OR1J2: variants seen among roughly 807,000 people sequenced by gnomAD.
OR1J2 encodes the protein olfactory receptor 1J2.
For synonymous variants in OR1J2, 142 were observed against 99.7 expected (o/e 1.42, Z -2.52); for missense variants, 304 against 246.1 (o/e 1.24, Z -1.57).
chr9:122,475,823 A>G, the OR1J2 span: 1 of 152,196 alleles, frequency 6.6e-6, no homozygotes, highest in South Asian at 2.1e-4. Context: ...CAGGTAAAGA[A>G]ACGCCTTCTT....
At chr9:122,538,195 C>T in the OR1J2 span, among the ~76,000 whole-genome samples, 2 of 151,490 alleles carry the variant, frequency 1.3e-5, no homozygotes, top group Non-Finnish European at 2.9e-5. Flanking sequence ...TTATCTGTGC[C>T]TGCAGGCTGT....
chr9:122,567,799 G>T, the OR1J2 span: 1 of 1,614,044 alleles, frequency 6.2e-7, no homozygotes, highest in Non-Finnish European at 8.5e-7. Context: ...GGAATCTTGA[G>T]AACTGTAGTG....
chr9:122,478,104 A>T, the OR1J2 span, among the ~76,000 whole-genome samples: 2 of 152,240 alleles, frequency 1.3e-5, no homozygotes, highest in Non-Finnish European at 1.5e-5. Context: ...AAAGAAATGA[A>T]GGTTTAGTCG....
chr9:122,571,577 G>A, the OR1J2 span, among the ~76,000 whole-genome samples: 2 of 150,930 alleles, frequency 1.3e-5, no homozygotes, highest in African/African-American at 2.4e-5. Context: ...TTAGCTGAGT[G>A]TGGTGGGGCG....
At chr9:122,479,446 T>C in the OR1J2 span, among the ~76,000 whole-genome samples, 1 of 152,360 alleles carries the variant, frequency 6.6e-6, no homozygotes, top group African/African-American at 2.4e-5. Flanking sequence ...GATGCTGTAT[T>C]AGAAATTCCT....
At chr9:122,577,488 G>A in the OR1J2 span, among the ~76,000 whole-genome samples, 10 of 152,232 alleles carry the variant, frequency 6.6e-5, no homozygotes, top group Admixed American at 1.3e-4. Context: ...AAAGTGCAAT[G>A]AACATGAACA....
chr9:122,575,811 A>G, the OR1J2 span, among the ~76,000 whole-genome samples: 7,407 of 152,276 alleles, frequency 0.049, 262 homozygotes, highest in Middle Eastern at 0.075. Context: ...CAATATTATT[A>G]ACTGGTTCTC....
chr9:122,484,187 A>G, the OR1J2 span, among the ~76,000 whole-genome samples: 1 of 151,934 alleles, frequency 6.6e-6, no homozygotes, highest in African/African-American at 2.4e-5. Flanking sequence ...TTTTGAGACA[A>G]AGTCTCGCTC....
the OR1J2 span, among the ~76,000 whole-genome samples, chr9:122,461,025 G>A: frequency 6.6e-6 from 1 of 151,742 alleles, no homozygotes; most frequent in African/African-American, 2.4e-5. Flanking sequence ...GGGTCTTTAG[G>A]GTTTTCTAGG....
downstream of OR1J2, among the ~76,000 whole-genome samples, chr9:122,515,543 C>T (rs1385680944): frequency 6.6e-6 from 1 of 151,974 alleles, no homozygotes; most frequent in Non-Finnish European, 1.5e-5. Context: ...CAGCTGGTTA[C>T]ATAAATTGGT....
the OR1J2 span, among the ~76,000 whole-genome samples, chr9:122,521,628 AC>A: frequency 1.3e-5 from 2 of 152,078 alleles, no homozygotes; most frequent in African/African-American, 2.4e-5. Flanking sequence ...CAGAGCCAAA[AC>A]CTGAACAGGG....
chr9:122,545,177 G>T, the OR1J2 span, among the ~76,000 whole-genome samples: 1 of 151,412 alleles, frequency 6.6e-6, no homozygotes. Context: ...TTTCATCTTA[G>T]TTGGATATAA....
At chr9:122,498,345 C>T in the OR1J2 span, among the ~76,000 whole-genome samples, 1 of 151,886 alleles carries the variant, frequency 6.6e-6, no homozygotes, top group Non-Finnish European at 1.5e-5. Flanking sequence ...ATTATTTTTT[C>T]TTCATTTTTA....
the OR1J2 span, among the ~76,000 whole-genome samples, chr9:122,523,891 C>G: frequency 6.6e-6 from 1 of 152,204 alleles, no homozygotes; most frequent in African/African-American, 2.4e-5. Flanking sequence ...TACCCCACCT[C>G]TGATTCAAAG....
the OR1J2 span, among the ~76,000 whole-genome samples, chr9:122,528,279 T>C: frequency 1.3e-5 from 2 of 152,222 alleles, no homozygotes; most frequent in Non-Finnish European, 2.9e-5. Flanking sequence ...CAGTTTATCA[T>C]AATCAAGTGA....
chr9:122,570,612 C>T, the OR1J2 span, among the ~76,000 whole-genome samples: 2 of 152,164 alleles, frequency 1.3e-5, no homozygotes, highest in African/African-American at 4.8e-5. Context: ...ATTGTAAAAA[C>T]ATTCAGGACA....
the OR1J2 span, among the ~76,000 whole-genome samples, chr9:122,447,907 C>T: frequency 3.9e-5 from 6 of 152,228 alleles, no homozygotes; most frequent in South Asian, 4.1e-4. Context: ...AAGACCAAGG[C>T]GGGAGGATTG....
the OR1J2 span, among the ~76,000 whole-genome samples, chr9:122,542,821 T>C: frequency 6.6e-6 from 1 of 152,214 alleles, no homozygotes; most frequent in South Asian, 2.1e-4. Flanking sequence ...AATTCTGTCA[T>C]TGTAGATTAA....
the OR1J2 span, among the ~76,000 whole-genome samples, chr9:122,460,240 G>A: frequency 2.6e-5 from 4 of 151,022 alleles, no homozygotes; most frequent in South Asian, 2.1e-4. Context: ...TTAAGTCCTC[G>A]ATGTATATAT....
Sources: gnomAD v4.1 joint callset for allele counts (sites outside exome capture counted in the v4.1 genomes callset) on GRCh38, gnomAD v4.1.1 for gene constraint, MANE v1.5 for transcripts, NCBI Gene and HGNC (gene_info 2026-07-23, HGNC 2026-07-21) for gene names.